The following ARMC3 variants were observed in gnomAD, a reference collection of about 807,000 sequenced individuals.
ARMC3 encodes the protein armadillo repeat-containing protein 3.
ARMC3 carries 74 observed loss-of-function variants against 90.3 expected under a neutral mutation model. That is an observed-to-expected ratio of 0.82 (90% confidence interval 0.68 to 0.99). The LOEUF is 0.99. Among genes scored for constraint, ARMC3 ranks in the 50% least tolerant of loss-of-function variants. The pLI, the probability that ARMC3 is intolerant of heterozygous loss-of-function variation, is 0.00. For synonymous variants in ARMC3, 334 were observed against 361.8 expected, an observed-to-expected ratio of 0.92 and a Z score of 0.87; for missense variants, 958 against 1,042.8, an observed-to-expected ratio of 0.92 and a Z score of 1.12.
At chr10:23,009,053 A>G in intron 16 of ARMC3, 122 bp downstream of exon 16, 1 of 704,810 alleles carries the variant, frequency 1.4e-6, no homozygotes, top group South Asian at 2.4e-5. Context: ...CATGAGATGA[A>G]ATTTAAAAGA....
intron 13 of ARMC3, among the ~76,000 whole-genome samples, chr10:23,004,034 G>C (rs940165753): frequency 6.6e-6 from 1 of 151,946 alleles, no homozygotes; most frequent in African/African-American, 2.4e-5. Context: ...TCTGTAGTCT[G>C]ATCTACTCAG....
At chr10:23,008,428 G>A (rs975295064) in intron 15 of ARMC3, 54 bp downstream of exon 15, 28 of 972,478 alleles carry the variant, frequency 2.9e-5, no homozygotes, top group Non-Finnish European at 4.0e-5. Flanking sequence ...TAATTTGAGT[G>A]TGAAAAAATG....
In ARMC3 at chr10:23,005,069, C is replaced by A. The variant is rs564441623; in HGVS notation, c.1731+1655C>A. On this transcript the variant is annotated intron_variant, in intron 13 of 18. Transcript: ENST00000298032. The stretch of plus-strand genomic sequence containing the variant: ...TCTACTAAATATACAAAAAATTAGC[C>A]GGGCGTGGTGGCGGGTGCCTGTAGT... Among the ~76,000 whole-genome samples the A allele has an allele frequency of 5.9e-5, 9 of 152,010 alleles. No individual in the cohort carries two copies. In the South Asian group the frequency reaches 1.2e-3, roughly 21 times the overall value.
chr10:23,024,391 C>CATATAGAT (rs747069779), intron 16 of ARMC3, among the ~76,000 whole-genome samples: 29 of 134,654 alleles, frequency 2.2e-4, no homozygotes, highest in African/African-American at 4.9e-4. Context: ...AGAGGAATGC[C>CATATAGAT]ACATAGATAG....
Position 22,955,849 on chromosome 10 carries a change from A to G in ARMC3, c.209A>G (p.Glu70Gly), listed in dbSNP as rs1238758456. The G allele has an allele frequency of 4.3e-6, 7 of 1,614,118 alleles. No homozygotes were observed. The highest frequency in any genetic ancestry group is 1.3e-5 in the African/African-American group (1 of 75,070). Residue 70 changes from glutamate (E) to glycine (G), a missense_variant, in exon 4 of 19, where the codon GAA (glutamate) becomes GGA (glycine). Coordinates refer to ENST00000298032, the MANE Select transcript of ARMC3 (RefSeq NM_173081.5). ...KTTLLELGAV[E>G]PLTKLLTHED... is the part of the protein sequence containing the mutation. ...ACCCTCCTTGAACTTGGAGCTGTGG[A>G]ACCTTTAACTAAGCTACTCACCCAT...
intron 10 of ARMC3, among the ~76,000 whole-genome samples, chr10:22,990,859 A>G (rs1341823313): frequency 1.3e-5 from 2 of 151,044 alleles, no homozygotes; most frequent in Non-Finnish European, 1.5e-5. Flanking sequence ...CCTTGTACTC[A>G]CTCCAGTAGG....
intron 3 of ARMC3, among the ~76,000 whole-genome samples, chr10:22,954,073 G>A (rs1369906789): frequency 6.6e-6 from 1 of 152,188 alleles, no homozygotes; most frequent in African/African-American, 2.4e-5. Context: ...TGGGTGTGAA[G>A]TGGTATCTCA....
At chr10:23,009,021 G>C (rs1837788353) in intron 16 of ARMC3, 90 bp downstream of exon 16, 3 of 1,035,978 alleles carry the variant, frequency 2.9e-6, no homozygotes, top group Non-Finnish European at 4.3e-6. Context: ...TCTGACATCA[G>C]GGTGTTGAAC....
chr10:22,938,380 G>A (rs1455857905), intron 2 of ARMC3, among the ~76,000 whole-genome samples: 1 of 152,178 alleles, frequency 6.6e-6, no homozygotes, highest in African/African-American at 2.4e-5. Flanking sequence ...TCCCTAAGGT[G>A]CAAAAAGGAG....
chr10:23,013,055 A>G (rs1838095144), intron 16 of ARMC3, among the ~76,000 whole-genome samples: 1 of 150,804 alleles, frequency 6.6e-6, no homozygotes, highest in African/African-American at 2.4e-5. Flanking sequence ...TGCCCAGCTA[A>G]TTTTTATTTT....
intron 2 of ARMC3, among the ~76,000 whole-genome samples, chr10:22,942,931 C>A (rs924122274): frequency 6.6e-6 from 1 of 152,162 alleles, no homozygotes; most frequent in African/African-American, 2.4e-5. Flanking sequence ...ACAGGTATTG[C>A]ACTGAGCTAA....
chr10:22,984,494 T>C (rs1000337045), intron 10 of ARMC3, among the ~76,000 whole-genome samples: 1 of 152,142 alleles, frequency 6.6e-6, no homozygotes, highest in South Asian at 2.1e-4. Flanking sequence ...AATCTAAAAA[T>C]AGAATTTTAT....
chr10:22,959,403 A>C lies in ARMC3; in HGVS notation c.366A>C (p.Glu122Asp). 6.2e-7 allele frequency: 1 copy of C among 1,601,226 alleles called. No homozygotes were observed. The highest frequency in any genetic ancestry group is 8.5e-7 in the Non-Finnish European group (1 of 1,176,122). Residue 122 changes from glutamate to aspartate, a missense_variant, in exon 6 of 19, where the codon GAA (glutamate) becomes GAC (aspartate). By Grantham distance (45) the Glu-to-Asp change is conservative (BLOSUM62 2). Coordinates refer to ENST00000298032, the MANE Select transcript of ARMC3 (RefSeq NM_173081.5). Reference protein sequence around the residue: ...SVIAQLAPEEEVVIHEFASLC... With the variant: ...SVIAQLAPEEDVVIHEFASLC... ...TTATTTATTTTTGATACACAGAAGA[A>C]GTAGTTATCCATGAGTTTGCTAGTC... is the stretch of plus-strand genomic sequence containing the variant.
chr10:22,999,948 A>C (rs1400615737), intron 11 of ARMC3, among the ~76,000 whole-genome samples: 1 of 152,202 alleles, frequency 6.6e-6, no homozygotes, highest in Non-Finnish European at 1.5e-5. Context: ...GTGACAAACA[A>C]GGGTCCTGTT....
intron 7 of ARMC3, 44 bp from the exon 8 acceptor site, chr10:22,968,262 A>G (rs959008421): frequency 6.4e-7 from 1 of 1,563,496 alleles, no homozygotes; most frequent in East Asian, 2.2e-5. Flanking sequence ...GGAAGTGTAC[A>G]TTTTAGTACA....
chr10:22,937,224 T>A (rs1834146414), intron 2 of ARMC3, among the ~76,000 whole-genome samples: 1 of 152,170 alleles, frequency 6.6e-6, no homozygotes. Context: ...TTTTAATTAT[T>A]ATAGATTCAC....
intron 17 of ARMC3, among the ~76,000 whole-genome samples, chr10:23,032,218 A>G (rs1588944765): frequency 6.6e-6 from 1 of 152,182 alleles, no homozygotes; most frequent in African/African-American, 2.4e-5. Context: ...TATTAGGAGA[A>G]ATCCACAAGC....
At chr10:22,950,781 A>C (rs1156791399) in intron 3 of ARMC3, among the ~76,000 whole-genome samples, 1 of 152,198 alleles carries the variant, frequency 6.6e-6, no homozygotes, top group Non-Finnish European at 1.5e-5. Flanking sequence ...GGATGACAAC[A>C]GATATGTCAT....
chr10:22,983,847 G>A (rs1002496891), intron 10 of ARMC3, among the ~76,000 whole-genome samples: 1 of 152,188 alleles, frequency 6.6e-6, no homozygotes, highest in Non-Finnish European at 1.5e-5. Context: ...GACTACAAAT[G>A]TGATTGGTTA....
Sources: gnomAD v4.1 joint callset for allele counts (sites outside exome capture counted in the v4.1 genomes callset) on GRCh38, gnomAD v4.1.1 for gene constraint, MANE v1.5 for transcripts, NCBI Gene and HGNC (gene_info 2026-07-23, HGNC 2026-07-21) for gene names.